The following SPATA12 variants were observed in gnomAD, a reference collection of about 807,000 sequenced individuals.
The protein encoded by SPATA12 is spermatogenesis associated 12.
For synonymous variants in SPATA12, 85 were observed against 89.2 expected, an observed-to-expected ratio of 0.95 and a Z score of 0.26; for missense variants, 219 against 226.4, an observed-to-expected ratio of 0.97 and a Z score of 0.21.
intron 1 of SPATA12, among the ~76,000 whole-genome samples, chr3:57,069,326 AT>A (rs1275029194): frequency 6.6e-6 from 1 of 151,878 alleles, no homozygotes; most frequent in Non-Finnish European, 1.5e-5. Context: ...GCTTTTTTAA[AT>A]TGCTTTTTTG....
rs761957984 is a variant in SPATA12 at position 57,074,616 on chromosome 3, G to A, written c.*349G>A. ...GGGAGGCATGCATCTCCTGATCCCC[G>A]ATCCTATACATTTTCATCTCTTTAT... On this transcript the variant is annotated 3_prime_UTR_variant, in exon 2 of 2. Transcript: ENST00000334325. 7 of 247,592 alleles carry A rather than the reference G, an allele frequency of 2.8e-5. No homozygotes were observed. Among genetic ancestry groups the A allele is most frequent in the Admixed American group, 1.0e-4 (2 of 19,778 alleles). The allele number at this position is 247,592 out of a possible 1,614,324, so 15.3% of individuals were successfully genotyped here.
chr3:57,064,454 C>A (rs1030722053), intron 1 of SPATA12, among the ~76,000 whole-genome samples: 1 of 152,032 alleles, frequency 6.6e-6, no homozygotes, highest in Non-Finnish European at 1.5e-5. Flanking sequence ...CCCCAAGTAG[C>A]TGAGATTACA....
chr3:57,065,439 C>T (rs1349372958), intron 1 of SPATA12, among the ~76,000 whole-genome samples: 1 of 151,084 alleles, frequency 6.6e-6, no homozygotes, highest in Non-Finnish European at 1.5e-5. Context: ...CCAGCCTGGG[C>T]AACAGAGCAG....
chr3:57,065,015 G>C (rs1705445308), intron 1 of SPATA12, among the ~76,000 whole-genome samples: 1 of 152,240 alleles, frequency 6.6e-6, no homozygotes, highest in Non-Finnish European at 1.5e-5. Flanking sequence ...AAAAAGTTTT[G>C]CTCTAAACTG....
rs75124628 is a variant in SPATA12, at chr3:57,073,560, G to T, written c.-135G>T. ...GAGCACCCCGGGATGATTGGTGGTG[G>T]GGTGTGGCTGAAGGTGAATTGGAAC... On this transcript the variant is annotated 5_prime_UTR_variant, in exon 2 of 2. Coordinates refer to ENST00000334325, the MANE Select transcript of SPATA12 (RefSeq NM_181727.2). 6 of 1,392,934 alleles carry T rather than the reference G, an allele frequency of 4.3e-6. No homozygotes were observed. The South Asian group carries it at 9.1e-5, about 21-fold the overall frequency. The allele number at this position is 1,392,934 out of a possible 1,614,324, so 86.3% of individuals were successfully genotyped here. A position where few individuals can be genotyped will look rare whatever the true frequency, so the allele number is the denominator to read the frequency against.
chr3:57,066,972 G>A (rs1354864362), intron 1 of SPATA12, among the ~76,000 whole-genome samples: 11 of 152,084 alleles, frequency 7.2e-5, no homozygotes, highest in Non-Finnish European at 4.4e-5. Flanking sequence ...ATAGATAGAT[G>A]AGCGATTGAT....
Position 57,073,702 on chromosome 3 carries a change from G to A in SPATA12, c.8G>A (p.Ser3Asn). 6.2e-7 allele frequency: 1 copy of A among 1,613,444 alleles called. No homozygotes were observed. Among genetic ancestry groups the A allele is most frequent in the Non-Finnish European group, 8.5e-7 (1 of 1,179,656 alleles). ...GTTTTTGACTTGGGCCCCATGTCCA[G>A]TTCTGCTCTGACTTGTGGGTCCACC... is the stretch of plus-strand genomic sequence containing the variant. The part of the protein sequence containing the change: MS[S>N]SALTCGSTLE... The change falls in exon 2 of 2, where the codon AGT (serine) becomes AAT (asparagine). Residue 3 changes from serine (S) to asparagine (N), a missense_variant. Coordinates refer to ENST00000334325, the MANE Select transcript of SPATA12 (RefSeq NM_181727.2).
intron 1 of SPATA12, among the ~76,000 whole-genome samples, chr3:57,064,693 A>T (rs930729129): frequency 2.6e-5 from 4 of 152,234 alleles, no homozygotes; most frequent in Admixed American, 6.5e-5. Context: ...TCACAAAAGG[A>T]CAAATATGGC....
At chr3:57,062,697 CACATGCACACACACACACACACAACAA>C (rs1191892797) in intron 1 of SPATA12, among the ~76,000 whole-genome samples, 1 of 151,958 alleles carries the variant, frequency 6.6e-6, no homozygotes, top group Non-Finnish European at 1.5e-5. Context: ...TCTGTCTACA[CACATGCACACACACACACACACAACAA>C]ACATGCACAC....
chr3:57,071,972 A>G (rs1705931408), intron 1 of SPATA12, among the ~76,000 whole-genome samples: 1 of 152,336 alleles, frequency 6.6e-6, no homozygotes, highest in African/African-American at 2.4e-5. Flanking sequence ...CCAAATATAC[A>G]TTTCTCCAAA....
Position 57,075,107 on chromosome 3 carries a change from C to G in SPATA12, c.*840C>G, listed in dbSNP as rs1224457155. The G allele has an allele frequency of 6.0e-6, 1 of 167,104 alleles. No homozygotes were observed. Among genetic ancestry groups the G allele is most frequent in the Non-Finnish European group, 1.5e-5 (1 of 68,158 alleles). The allele number at this position is 167,104 out of a possible 1,614,324, so 10.4% of individuals were successfully genotyped here. A position where few individuals can be genotyped will look rare whatever the true frequency, so the allele number is the denominator to read the frequency against. ...ATGGAATGAGGTTGCATGCAATTGT[C>G]CATGAGGCTGCTCCCTCATTTGTCT... On this transcript the variant is annotated 3_prime_UTR_variant, in exon 2 of 2. Coordinates refer to ENST00000334325, the MANE Select transcript of SPATA12 (RefSeq NM_181727.2).
In SPATA12 at chr3:57,074,023, C is replaced by G. The variant is rs1365117348; in HGVS notation, c.329C>G (p.Ala110Gly). 8 of 1,614,212 alleles carry G rather than the reference C, an allele frequency of 5.0e-6. No individual in the cohort carries two copies. Among genetic ancestry groups the G allele is most frequent in the Non-Finnish European group, 6.8e-6 (8 of 1,180,014 alleles). The change falls in exon 2 of 2, where the codon GCT becomes GGT. Residue 110 changes from alanine to glycine, a missense_variant. By Grantham distance (60) the Ala-to-Gly change is moderately conservative. Coordinates refer to ENST00000334325, the MANE Select transcript of SPATA12 (RefSeq NM_181727.2). ...CTGGGAAGACCCTCTTCACCTCCAG[C>G]TCTCCTGATACAGCAAGGCAGTTGT... ...NLLGRPSSPP[A>G]LLIQQGSCEQ...
At chr3:57,071,937 A>G (rs1705929024) in intron 1 of SPATA12, among the ~76,000 whole-genome samples, 3 of 152,196 alleles carry the variant, frequency 2.0e-5, no homozygotes, top group Admixed American at 2.0e-4. Context: ...GAGACATATA[A>G]TCCAATTTAA....
At chr3:57,072,882 T>TA (rs762575575) in intron 1 of SPATA12, among the ~76,000 whole-genome samples, 13 of 151,496 alleles carry the variant, frequency 8.6e-5, no homozygotes, top group Non-Finnish European at 1.8e-4. Context: ...CCATCTCTAC[T>TA]AAAAAATACA....
chr3:57,073,875 C>T lies in SPATA12; in HGVS notation c.181C>T (p.Pro61Ser), dbSNP rs932838766. Reference protein sequence around the residue: ...LASCQGPGVLPGAASALPELT... With the variant: ...LASCQGPGVLSGAASALPELT... The stretch of plus-strand genomic sequence containing the variant: ...ATCATGCCAGGGTCCAGGTGTCCTG[C>T]CAGGAGCAGCCTCTGCCCTCCCAGA... The change falls in exon 2 of 2, where the codon CCA (proline) becomes TCA (serine). Residue 61 changes from proline (P) to serine (S), a missense_variant. Transcript: ENST00000334325. The T allele has an allele frequency of 6.8e-6, 11 of 1,614,190 alleles. No homozygotes were observed. The highest frequency in any genetic ancestry group is 9.3e-6 in the Non-Finnish European group (11 of 1,180,026).
intron 1 of SPATA12, among the ~76,000 whole-genome samples, chr3:57,070,615 G>A (rs192283220): frequency 1.3e-5 from 2 of 152,090 alleles, no homozygotes; most frequent in Non-Finnish European, 2.9e-5. Flanking sequence ...AAACTAACAA[G>A]CTGATCCTAA....
At chr3:57,071,720 G>A (rs1415251183) in intron 1 of SPATA12, among the ~76,000 whole-genome samples, 3 of 151,066 alleles carry the variant, frequency 2.0e-5, no homozygotes, top group African/African-American at 7.3e-5. Context: ...TCAGGCAAAG[G>A]TTTCTTACGT....
chr3:57,067,194 G>A (rs1469806468), intron 1 of SPATA12, among the ~76,000 whole-genome samples: 1 of 152,162 alleles, frequency 6.6e-6, no homozygotes, highest in Non-Finnish European at 1.5e-5. Context: ...GCTCACGCCT[G>A]TAATCCCAGT....
At position 57,073,410 on chromosome 3, in the gene SPATA12, C is replaced by T. The variant is rs890799001; in HGVS notation, c.-285C>T. On this transcript the variant is annotated 5_prime_UTR_variant, in exon 2 of 2. Coordinates refer to ENST00000334325, the MANE Select transcript of SPATA12 (RefSeq NM_181727.2). ...AGAGAAAGCCACTGGAGTTGGGCAG[C>T]GTGGGAAGCTGTGAAAGTGGACAAG... 9.5e-5 allele frequency: 34 copies of T among 357,992 alleles called. No homozygotes were observed. Among genetic ancestry groups the T allele is most frequent in the Admixed American group, 1.7e-4 (4 of 23,264 alleles). 22.2% of individuals were successfully genotyped at this position (357,992 alleles called of 1,614,324 possible). A position where few individuals can be genotyped will look rare whatever the true frequency, so the allele number is the denominator to read the frequency against.
Sources: gnomAD v4.1 joint callset for allele counts (sites outside exome capture counted in the v4.1 genomes callset) on GRCh38, gnomAD v4.1.1 for gene constraint, MANE v1.5 for transcripts, NCBI Gene and HGNC (gene_info 2026-07-23, HGNC 2026-07-21) for gene names.